PTK2: variants seen among roughly 807,000 people sequenced by gnomAD.
The protein encoded by PTK2 is focal adhesion kinase 1.
Under a neutral mutation model 150.1 loss-of-function variants are expected in PTK2, and 45 were observed. The ratio of observed to expected loss-of-function variants is 0.30; its 90% CI spans 0.24 to 0.38. The LOEUF (loss-of-function observed/expected upper bound fraction) is 0.38, where lower values mean the gene tolerates loss of function less well. PTK2 is among the 10% of genes least tolerant of loss of function. The probability of loss-of-function intolerance (pLI) is 1.00; values close to 1 mark genes in which losing one functional copy is unlikely to be tolerated. For synonymous variants in PTK2, 432 were observed against 449.2 expected, an observed-to-expected ratio of 0.96 and a Z score of 0.48; for missense variants, 919 against 1,307.3, an observed-to-expected ratio of 0.70 and a Z score of 4.58.
intron 22 of PTK2, among the ~76,000 whole-genome samples, chr8:140,727,063 G>C (rs895909952): frequency 6.6e-6 from 1 of 152,174 alleles, no homozygotes; most frequent in African/African-American, 2.4e-5. Context: ...CCCAGAGCAA[G>C]CACTGAAAAC....
chr8:140,838,727 C>T (rs550452967), intron 7 of PTK2, among the ~76,000 whole-genome samples: 25 of 152,250 alleles, frequency 1.6e-4, no homozygotes, highest in African/African-American at 5.1e-4. Flanking sequence ...AACTTCTAGG[C>T]CGGGCGCGGT....
rs111846739 is a variant in PTK2 at position 140,846,554 on chromosome 8, A to T, written c.530+45T>A. ...ACCTGGAAAATATTCAAAAATAATT[A>T]AAAAATTGATAAATAAAGGCCGCAA... is the stretch of plus-strand genomic sequence containing the variant. On this transcript the variant is annotated intron_variant, in intron 6 of 31. Coordinates refer to ENST00000522684, the Ensembl canonical transcript of PTK2. 4.0e-4 allele frequency: 574 copies of T among 1,432,744 alleles called. 4 individuals carry two copies. In the African/African-American group the frequency reaches 5.7e-3, roughly 14 times the overall value. The allele number at this position is 1,432,744 out of a possible 1,614,324, so 88.8% of individuals were successfully genotyped here.
At chr8:140,989,238 A>AAT (rs1384874044) in intron 1 of PTK2, among the ~76,000 whole-genome samples, 18 of 149,888 alleles carry the variant, frequency 1.2e-4, no homozygotes, top group Non-Finnish European at 2.1e-4. Flanking sequence ...AAAAAAAAAA[A>AAT]AATTTAAAAT....
chr8:140,964,332 T>C (rs895258619), intron 1 of PTK2, among the ~76,000 whole-genome samples: 3 of 151,712 alleles, frequency 2.0e-5, no homozygotes, highest in Non-Finnish European at 2.9e-5. Flanking sequence ...GCTCAAGCAA[T>C]CCTCCCACCT....
chr8:140,879,117 A>G (rs2100147383), intron 4 of PTK2: 1 of 157,316 alleles, frequency 6.4e-6, no homozygotes, highest in Non-Finnish European at 1.4e-5. Context: ...TAAAAGGATG[A>G]CAAGGGATGA....
chr8:140,682,695 C>T (rs9644447), intron 27 of PTK2, among the ~76,000 whole-genome samples: 80,270 of 150,172 alleles, frequency 0.53, 21,792 homozygotes, highest in African/African-American at 0.66. Flanking sequence ...ACAATAAAAA[C>T]AGAATCAGTA....
chr8:140,883,619 T>G (rs2100150523), intron 3 of PTK2, among the ~76,000 whole-genome samples: 1 of 152,348 alleles, frequency 6.6e-6, no homozygotes, highest in South Asian at 2.1e-4. Context: ...TCTTGGAGGC[T>G]TTCATCATTG....
chr8:140,878,543 A>T (rs1346720983), intron 4 of PTK2, among the ~76,000 whole-genome samples: 1 of 151,974 alleles, frequency 6.6e-6, no homozygotes, highest in African/African-American at 2.4e-5. Flanking sequence ...GCAGTGAGCC[A>T]TGTTCATGCC....
chr8:140,896,765 G>T (rs550152995), intron 2 of PTK2, among the ~76,000 whole-genome samples: 10 of 109,928 alleles, frequency 9.1e-5, no homozygotes, highest in Non-Finnish European at 1.4e-4. Flanking sequence ...TACCATAGAC[G>T]CCCCCCCTTC....
intron 1 of PTK2, among the ~76,000 whole-genome samples, chr8:140,973,211 C>T (rs149924633): frequency 2.4e-4 from 36 of 152,170 alleles, no homozygotes; most frequent in African/African-American, 8.7e-4. Context: ...AAAGTTTGGC[C>T]CTTTGCCCAG....
At chr8:140,777,808 G>T (rs2100079298) in intron 14 of PTK2, among the ~76,000 whole-genome samples, 1 of 152,186 alleles carries the variant, frequency 6.6e-6, no homozygotes, top group Non-Finnish European at 1.5e-5. Flanking sequence ...TCTTCCCTCA[G>T]ATCAGGGTAA....
rs565975201 is a variant in PTK2 at position 140,989,556 on chromosome 8, G to T, written c.-122+11569C>A. On this transcript the variant is annotated intron_variant, in intron 1 of 31. Transcript: ENST00000522684. ...AAAAAAAAAAAAAGAAGACCTAATA[G>T]AAAAATACAGGCACTTGGCAAAACA... is the stretch of plus-strand genomic sequence containing the variant. 2.6e-5 allele frequency among the ~76,000 whole-genome samples: 4 copies of T among 151,166 alleles called. No homozygotes were observed. The East Asian group carries it at 7.8e-4, about 29-fold the overall frequency.
chr8:140,967,314 G>C (rs1474060668), intron 1 of PTK2, among the ~76,000 whole-genome samples: 8 of 152,246 alleles, frequency 5.3e-5, no homozygotes, highest in Admixed American at 5.2e-4. Context: ...TACCACAGCT[G>C]AGTAATGTTC....
At chr8:140,996,749 C>A (rs949980353) in intron 1 of PTK2, among the ~76,000 whole-genome samples, 23 of 152,318 alleles carry the variant, frequency 1.5e-4, no homozygotes, top group African/African-American at 5.1e-4. Context: ...AAAAAGATTC[C>A]TATCAAAATA....
At chr8:140,660,669 T>C (rs530295469) in intron 31 of PTK2, 3 of 454,042 alleles carry the variant, frequency 6.6e-6, no homozygotes, top group African/African-American at 6.0e-5. Flanking sequence ...GAGGTTGTAG[T>C]GAGCCAAGAT....
At chr8:140,770,038 C>A (rs538409504) in intron 14 of PTK2, among the ~76,000 whole-genome samples, 1 of 152,334 alleles carries the variant, frequency 6.6e-6, no homozygotes, top group African/African-American at 2.4e-5. Flanking sequence ...AAGCCCTCAG[C>A]AAGCCCATTC....
intron 22 of PTK2, 174 bp from the exon 26 acceptor site, chr8:140,717,883 C>G (rs745355492): frequency 1.1e-4 from 56 of 525,174 alleles, no homozygotes; most frequent in Admixed American, 1.8e-4. Context: ...CGAAATGATT[C>G]TAGAATAGCC....
chr8:140,886,488 G>A (rs1336378626), intron 3 of PTK2, among the ~76,000 whole-genome samples: 4 of 152,184 alleles, frequency 2.6e-5, no homozygotes, highest in Admixed American at 2.6e-4. Context: ...ATTAAATCAT[G>A]GTGGTAGATT....
chr8:140,925,264 T>C (rs1018768881), intron 2 of PTK2, among the ~76,000 whole-genome samples: 4 of 152,316 alleles, frequency 2.6e-5, no homozygotes, highest in Non-Finnish European at 2.9e-5. Flanking sequence ...CTTCTAAATA[T>C]ATCATCTTTC....
Sources: gnomAD v4.1 joint callset for allele counts (sites outside exome capture counted in the v4.1 genomes callset) on GRCh38, gnomAD v4.1.1 for gene constraint, MANE v1.5 for transcripts, NCBI Gene and HGNC (gene_info 2026-07-23, HGNC 2026-07-21) for gene names.